Variants in ANKRD33B observed in about 807,000 individuals in gnomAD.
The protein encoded by ANKRD33B is ankyrin repeat domain 33B, also known as ankyrin repeat domain-containing protein 33B.
A neutral mutation model predicts 21.5 loss-of-function variants in ANKRD33B; 6 were observed. That is an observed-to-expected ratio of 0.28 (90% confidence interval 0.15 to 0.55). ANKRD33B has a LOEUF of 0.55. Among genes scored for constraint, ANKRD33B ranks in the 20% least tolerant of loss-of-function variants. The pLI is 0.94. For synonymous variants in ANKRD33B, 347 were observed against 342.4 expected, an observed-to-expected ratio of 1.01 and a Z score of -0.15; for missense variants, 698 against 747.2, an observed-to-expected ratio of 0.93 and a Z score of 0.77.
intron 3 of ANKRD33B, among the ~76,000 whole-genome samples, chr5:10,647,289 G>A (rs994516659): frequency 6.6e-6 from 1 of 152,098 alleles, no homozygotes; most frequent in African/African-American, 2.4e-5. Context: ...TGTGTTTTTA[G>A]TAGAGGTGGG....
rs115056708 is a variant in ANKRD33B, at chr5:10,597,982, A to G, written c.367-20351A>G. Among the ~76,000 whole-genome samples the G allele has an allele frequency of 6.6e-3, 1,000 of 152,086 alleles. 11 individuals are homozygous for G. Among genetic ancestry groups the G allele is most frequent in the African/African-American group, 0.021 (859 of 41,482 alleles). On this transcript the variant is annotated intron_variant, in intron 1 of 3. Transcript: ENST00000296657. ...ACCAGGAGTACTAGATTTTCTTGCT[A>G]TGTTCCTTTTCTTGGCATATGACTT...
intron 2 of ANKRD33B, among the ~76,000 whole-genome samples, chr5:10,625,825 G>A (rs997269882): frequency 6.6e-6 from 1 of 152,240 alleles, no homozygotes; most frequent in African/African-American, 2.4e-5. Context: ...TGGATCTGGG[G>A]TGCATCTCTG....
rs193228254 is a variant in ANKRD33B, at chr5:10,642,164, C to T, written c.637+3996C>T. On this transcript the variant is annotated intron_variant, in intron 3 of 3. Coordinates refer to ENST00000296657, the MANE Select transcript of ANKRD33B (RefSeq NM_001164440.2). ...CCCTCTAATCGCTCCGTTTGACTGC[C>T]GTGCTTTCTTCCCTGGGTCTCCTGG... Among the ~76,000 whole-genome samples the T allele has an allele frequency of 2.8e-4, 43 of 152,262 alleles. 1 individual carries two copies. The highest frequency in any genetic ancestry group is 1.7e-3 in the South Asian group (8 of 4,822).
chr5:10,573,259 G>A (rs769539708), intron 1 of ANKRD33B, among the ~76,000 whole-genome samples: 19 of 151,968 alleles, frequency 1.3e-4, no homozygotes, highest in Admixed American at 5.9e-4. Flanking sequence ...ACGAGGTCAG[G>A]AAATGGAGAC....
intron 1 of ANKRD33B, among the ~76,000 whole-genome samples, chr5:10,583,418 A>G (rs1735487257): frequency 6.6e-6 from 1 of 152,226 alleles, no homozygotes; most frequent in Admixed American, 6.5e-5. Context: ...GGTTCTAATA[A>G]TCCTTTGCTG....
intron 1 of ANKRD33B, among the ~76,000 whole-genome samples, chr5:10,611,575 C>T (rs1006463834): frequency 6.6e-6 from 1 of 152,160 alleles, no homozygotes; most frequent in African/African-American, 2.4e-5. Flanking sequence ...GGTGCTGGGG[C>T]CACACCCTGT....
chr5:10,633,397 C>T (rs527843578), intron 2 of ANKRD33B, among the ~76,000 whole-genome samples: 1 of 151,666 alleles, frequency 6.6e-6, no homozygotes, highest in Non-Finnish European at 1.5e-5. Flanking sequence ...CTGCGCCAAG[C>T]CTATCTCCTC....
chr5:10,567,608 C>T (rs1418342154), intron 1 of ANKRD33B, among the ~76,000 whole-genome samples: 3 of 152,206 alleles, frequency 2.0e-5, no homozygotes, highest in Non-Finnish European at 2.9e-5. Flanking sequence ...TTTCTGTCTC[C>T]TCTTGTCCAA....
At chr5:10,592,349 A>G (rs1206137287) in intron 1 of ANKRD33B, among the ~76,000 whole-genome samples, 2 of 150,898 alleles carry the variant, frequency 1.3e-5, no homozygotes, top group Non-Finnish European at 2.9e-5. Context: ...GGTGGCGCCC[A>G]TGCCTGTAAT....
intron 1 of ANKRD33B, among the ~76,000 whole-genome samples, chr5:10,574,697 T>A (rs1357859403): frequency 6.6e-6 from 1 of 152,110 alleles, no homozygotes; most frequent in Non-Finnish European, 1.5e-5. Flanking sequence ...AAAAGAGAAA[T>A]AGCACACATT....
At chr5:10,634,449 C>T (rs1244183119) in intron 2 of ANKRD33B, among the ~76,000 whole-genome samples, 3 of 147,582 alleles carry the variant, frequency 2.0e-5, no homozygotes, top group Non-Finnish European at 4.5e-5. Flanking sequence ...GGACTGGGCT[C>T]AAACTAGATT....
At position 10,648,042 on chromosome 5, in the gene ANKRD33B, A is replaced by G. The variant is rs192869036; in HGVS notation, c.638-1224A>G. 4.5e-3 allele frequency among the ~76,000 whole-genome samples: 679 copies of G among 152,290 alleles called. 5 individuals are homozygous for G. The highest frequency in any genetic ancestry group is 0.015 in the African/African-American group (641 of 41,556). On this transcript the variant is annotated intron_variant, in intron 3 of 3. Transcript: ENST00000296657. ...AGGTGGTAGGAAGTACATTAGACTG[A>G]GGTTAGGACACCCAAGTCTTAGACC...
chr5:10,613,306 A>G (rs1307133552), intron 1 of ANKRD33B, among the ~76,000 whole-genome samples: 2 of 134,670 alleles, frequency 1.5e-5, no homozygotes, highest in East Asian at 2.2e-4. Flanking sequence ...TTTTTTTGAG[A>G]TAGAGTCTTG....
chr5:10,570,858 C>T (rs902460978), intron 1 of ANKRD33B, among the ~76,000 whole-genome samples: 19 of 151,616 alleles, frequency 1.3e-4, no homozygotes, highest in Non-Finnish European at 2.5e-4. Context: ...CATGCCTGGC[C>T]TCCTTTATTC....
At chr5:10,571,362 C>T (rs534012860) in intron 1 of ANKRD33B, among the ~76,000 whole-genome samples, 42 of 152,204 alleles carry the variant, frequency 2.8e-4, no homozygotes, top group African/African-American at 1.0e-3. Context: ...TCACGATGCC[C>T]AGCTAAATTT....
intron 1 of ANKRD33B, among the ~76,000 whole-genome samples, chr5:10,569,919 C>T (rs1015505402): frequency 6.6e-6 from 1 of 152,146 alleles, no homozygotes; most frequent in Non-Finnish European, 1.5e-5. Flanking sequence ...CTCTGTCACC[C>T]AGTCTAGAGT....
intron 3 of ANKRD33B, among the ~76,000 whole-genome samples, chr5:10,640,512 G>C (rs1362042101): frequency 1.3e-5 from 2 of 152,226 alleles, no homozygotes; most frequent in Non-Finnish European, 2.9e-5. Flanking sequence ...CATCCTTCGT[G>C]CAACCTCATC....
intron 2 of ANKRD33B, among the ~76,000 whole-genome samples, chr5:10,631,274 A>G (rs1280970462): frequency 6.6e-6 from 1 of 152,182 alleles, no homozygotes; most frequent in Non-Finnish European, 1.5e-5. Flanking sequence ...TCTGAGCCCC[A>G]ACAGCATTCT....
chr5:10,632,556 C>T (rs1050351641), intron 2 of ANKRD33B, among the ~76,000 whole-genome samples: 1 of 152,176 alleles, frequency 6.6e-6, no homozygotes, highest in African/African-American at 2.4e-5. Context: ...TAGGAGCTCT[C>T]TGAATCAAGC....
Sources: allele counts gnomAD v4.1 joint callset (sites outside exome capture counted in the v4.1 genomes callset), GRCh38; gene constraint gnomAD v4.1.1; transcripts MANE v1.5; gene names NCBI Gene and HGNC (gene_info 2026-07-23, HGNC 2026-07-21).